Variants in DNM3 observed in about 807,000 individuals in gnomAD.
DNM3 encodes the protein dynamin-3.
DNM3 carries 47 observed loss-of-function variants against 101.6 expected under a neutral mutation model. That is an observed-to-expected ratio of 0.46 (90% CI 0.37 to 0.59). The LOEUF (loss-of-function observed/expected upper bound fraction) is 0.59, where lower values mean the gene tolerates loss of function less well. Ranked by LOEUF, DNM3 falls within the 20% of genes least tolerant of loss-of-function variation. The pLI, the probability that DNM3 is intolerant of heterozygous loss-of-function variation, is 0.00. For synonymous variants in DNM3, 385 were observed against 387.9 expected (o/e 0.99, Z 0.09); for missense variants, 849 against 1,085.7 (o/e 0.78, Z 3.06).
intron 1 of DNM3, among the ~76,000 whole-genome samples, chr1:171,851,066 G>C (rs147238662): frequency 1.1e-3 from 161 of 152,286 alleles, no homozygotes; most frequent in African/African-American, 3.8e-3. Context: ...AGCATGCCAA[G>C]AACAGTGAGA....
chr1:171,987,092 A>G (rs1390957964), intron 2 of DNM3, among the ~76,000 whole-genome samples: 1 of 152,120 alleles, frequency 6.6e-6, no homozygotes, highest in Non-Finnish European at 1.5e-5. Flanking sequence ...ATAATACTCT[A>G]TAACTTTTTT....
At chr1:171,995,482 A>C (rs1187229461) in intron 4 of DNM3, among the ~76,000 whole-genome samples, 2 of 151,914 alleles carry the variant, frequency 1.3e-5, no homozygotes, top group Admixed American at 1.3e-4. Context: ...CAGAGTTCTG[A>C]AACAGTTGGC....
At chr1:172,170,071 T>C (rs193174140) in intron 14 of DNM3, among the ~76,000 whole-genome samples, 1 of 152,060 alleles carries the variant, frequency 6.6e-6, no homozygotes, top group East Asian at 1.9e-4. Flanking sequence ...TACAAAGCAC[T>C]AGCTTCTAGA....
intron 1 of DNM3, chr1:171,864,668 G>C (rs926333242): frequency 6.6e-6 from 1 of 152,192 alleles, no homozygotes; most frequent in Non-Finnish European, 1.5e-5. Flanking sequence ...ACCTCTGTTT[G>C]GAAGGAGGCA....
At chr1:172,025,236 C>T (rs901763536) in intron 4 of DNM3, among the ~76,000 whole-genome samples, 1 of 152,222 alleles carries the variant, frequency 6.6e-6, no homozygotes, top group African/African-American at 2.4e-5. Context: ...CCGCTGTAGC[C>T]GGATTGCCTC....
At chr1:172,136,569 C>A (rs953728465) in intron 14 of DNM3, 4 of 152,092 alleles carry the variant, frequency 2.6e-5, no homozygotes, top group African/African-American at 9.7e-5. Flanking sequence ...TGCATGATCA[C>A]AGTTGTATAT....
intron 1 of DNM3, among the ~76,000 whole-genome samples, chr1:171,919,415 T>G (rs2039982125): frequency 6.6e-6 from 1 of 152,204 alleles, no homozygotes; most frequent in Non-Finnish European, 1.5e-5. Flanking sequence ...TGTTTGGTTT[T>G]CTGTTCTTGT....
At chr1:172,310,562 A>G (rs2065038371) in intron 16 of DNM3, 1 of 152,246 alleles carries the variant, frequency 6.6e-6, no homozygotes, top group Non-Finnish European at 1.5e-5. Flanking sequence ...GCCTCTTTGA[A>G]GAGTTGACAT....
At chr1:172,009,094 A>G (rs1186386235) in intron 4 of DNM3, among the ~76,000 whole-genome samples, 1 of 138,432 alleles carries the variant, frequency 7.2e-6, no homozygotes, top group Non-Finnish European at 1.5e-5. Flanking sequence ...ATCATATATT[A>G]TATGTATTTA....
intron 14 of DNM3, among the ~76,000 whole-genome samples, chr1:172,161,566 G>A (rs2058545684): frequency 6.6e-6 from 1 of 151,926 alleles, no homozygotes; most frequent in South Asian, 2.1e-4. Context: ...TACATTTTAA[G>A]AGAGATATGA....
intron 13 of DNM3, among the ~76,000 whole-genome samples, chr1:172,097,658 G>T (rs2054335198): frequency 6.6e-6 from 1 of 152,142 alleles, no homozygotes; most frequent in South Asian, 2.1e-4. Flanking sequence ...AACTGAAAAG[G>T]CAAATAAGAA....
intron 3 of DNM3, among the ~76,000 whole-genome samples, chr1:171,988,243 GATA>G (rs943246446): frequency 6.6e-6 from 1 of 152,078 alleles, no homozygotes; most frequent in African/African-American, 2.4e-5. Context: ...TTATAAATTA[GATA>G]ACCAATCCAT....
chr1:171,849,855 A>C (rs2032712826), intron 1 of DNM3, among the ~76,000 whole-genome samples: 1 of 152,248 alleles, frequency 6.6e-6, no homozygotes, highest in Non-Finnish European at 1.5e-5. Flanking sequence ...TACTGGGGTC[A>C]CATGGTGAGT....
At chr1:172,207,874 T>C (rs2060376678) in intron 14 of DNM3, among the ~76,000 whole-genome samples, 1 of 152,090 alleles carries the variant, frequency 6.6e-6, no homozygotes, top group African/African-American at 2.4e-5. Flanking sequence ...TCAGCATTGA[T>C]TTTTCAACTT....
intron 2 of DNM3, among the ~76,000 whole-genome samples, chr1:171,934,659 G>A (rs2041272800): frequency 6.6e-6 from 1 of 152,192 alleles, no homozygotes; most frequent in Non-Finnish European, 1.5e-5. Context: ...GCTTAGGCAA[G>A]GTTAGACCTG....
At chr1:172,302,722 A>T (rs767142368) in intron 15 of DNM3, among the ~76,000 whole-genome samples, 14 of 152,134 alleles carry the variant, frequency 9.2e-5, no homozygotes, top group South Asian at 2.1e-4. Context: ...CCGCCGGGTG[A>T]TACCAAGGCA....
At chr1:172,227,364 C>T (rs964689854) in intron 14 of DNM3, among the ~76,000 whole-genome samples, 6 of 137,658 alleles carry the variant, frequency 4.4e-5, no homozygotes, top group African/African-American at 8.0e-5. Flanking sequence ...TATATCTTTG[C>T]GGTTGTGAAT....
At chr1:172,387,384 G>T in intron 19 of DNM3, 25 bp downstream of exon 19, 1 of 1,580,696 alleles carries the variant, frequency 6.3e-7, no homozygotes, top group Non-Finnish European at 8.6e-7. Flanking sequence ...CCGGCCGGGT[G>T]CGGTGGCTCG....
chr1:172,304,427 C>T (rs2064673497), intron 15 of DNM3, among the ~76,000 whole-genome samples: 1 of 151,566 alleles, frequency 6.6e-6, no homozygotes, highest in Non-Finnish European at 1.5e-5. Flanking sequence ...GACTCCCATA[C>T]AATAAGGGGA....
Sources: allele counts gnomAD v4.1 joint callset (sites outside exome capture counted in the v4.1 genomes callset), GRCh38; gene constraint gnomAD v4.1.1; transcripts MANE v1.5; gene names NCBI Gene and HGNC (gene_info 2026-07-23, HGNC 2026-07-21).